The following ME2 variants were observed in gnomAD, a reference collection of about 807,000 sequenced individuals.
The protein encoded by ME2 is NAD-dependent malic enzyme, mitochondrial.
A neutral mutation model predicts 73.7 loss-of-function variants in ME2; 60 were observed. The ratio of observed to expected loss-of-function variants is 0.81; its 90% CI spans 0.66 to 1.01. The LOEUF is 1.01. Ranked by LOEUF, ME2 falls within the 50% of genes least tolerant of loss-of-function variation. The pLI is 0.00. For synonymous variants in ME2, 199 were observed against 236.9 expected, an observed-to-expected ratio of 0.84 and a Z score of 1.47; for missense variants, 594 against 705.5, an observed-to-expected ratio of 0.84 and a Z score of 1.79.
intron 12 of ME2, among the ~76,000 whole-genome samples, chr18:50,930,140 G>A (rs192087118): frequency 7.0e-4 from 107 of 152,050 alleles, no homozygotes; most frequent in African/African-American, 2.4e-3. Flanking sequence ...CACACCTGTG[G>A]TCTTAGCTAC....
At chr18:50,922,096 A>C (rs1429955741) in intron 10 of ME2, among the ~76,000 whole-genome samples, 1 of 152,236 alleles carries the variant, frequency 6.6e-6, no homozygotes, top group Non-Finnish European at 1.5e-5. Context: ...ACTTTGTTCC[A>C]GTTCTAAAAT....
Position 50,947,108 on chromosome 18 carries a change from G to A in ME2, c.1679G>A (p.Ser560Asn). The A allele has an allele frequency of 1.9e-6, 3 of 1,614,098 alleles. No homozygotes were observed. The highest frequency in any genetic ancestry group is 1.7e-5 in the Admixed American group (1 of 60,030). ...TATGTTAAAGAAAGAACATGGCGGA[G>A]TGAATATGATTCCCTGCTGCCAGAT... ...AKYVKERTWR[S>N]EYDSLLPDVY... is the part of the protein sequence containing the mutation. Residue 560 changes from serine (S) to asparagine (N), a missense_variant, in exon 16 of 16, where the codon AGT becomes AAT. By Grantham distance (46) the Ser-to-Asn change is conservative. Coordinates refer to ENST00000321341, the MANE Select transcript of ME2 (RefSeq NM_002396.5).
chr18:50,905,592 C>T (rs1474787018), intron 2 of ME2, among the ~76,000 whole-genome samples: 9 of 152,172 alleles, frequency 5.9e-5, no homozygotes, highest in African/African-American at 9.7e-5. Context: ...ACACATGAGA[C>T]ATCAAATACA....
intron 14 of ME2, chr18:50,940,013 A>T (rs576223328): frequency 2.2e-6 from 1 of 451,830 alleles, no homozygotes; most frequent in Admixed American, 4.0e-5. Context: ...CATTAATACA[A>T]TTAATGTCTG....
chr18:50,899,605 C>G (rs1397388341), intron 2 of ME2, among the ~76,000 whole-genome samples: 1 of 152,090 alleles, frequency 6.6e-6, no homozygotes, highest in African/African-American at 2.4e-5. Flanking sequence ...GAGTGAGCCC[C>G]TGTCTCAAAA....
intron 1 of ME2, among the ~76,000 whole-genome samples, chr18:50,889,222 G>A (rs1792928990): frequency 6.6e-6 from 1 of 152,140 alleles, no homozygotes; most frequent in Non-Finnish European, 1.5e-5. Context: ...AGTCACCTGA[G>A]GTGACTTAGG....
At chr18:50,896,357 C>G (rs941378482) in intron 2 of ME2, among the ~76,000 whole-genome samples, 1 of 152,164 alleles carries the variant, frequency 6.6e-6, no homozygotes, top group Admixed American at 6.5e-5. Flanking sequence ...CCCACCTCCA[C>G]TTATCTTTTT....
At chr18:50,925,682 G>T in intron 11 of ME2, 74 bp from the exon 12 acceptor site, 1 of 1,260,658 alleles carries the variant, frequency 7.9e-7, no homozygotes, top group Non-Finnish European at 1.1e-6. Flanking sequence ...TAGGCCTATT[G>T]TAGAAATGCT....
chr18:50,939,844 C>T (rs930756910), intron 14 of ME2: 5 of 518,654 alleles, frequency 9.6e-6, no homozygotes, highest in South Asian at 4.9e-5. Context: ...TGAATCCTCT[C>T]GTTTTAATAA....
intron 12 of ME2, among the ~76,000 whole-genome samples, chr18:50,926,905 A>G (rs1917566337): frequency 6.6e-6 from 1 of 152,252 alleles, no homozygotes; most frequent in African/African-American, 2.4e-5. Context: ...CAATCTCTAA[A>G]TACTGCTTTC....
At chr18:50,946,849 TTCC>T (rs1235840138) in intron 15 of ME2, among the ~76,000 whole-genome samples, 165 bp from the exon 16 acceptor site, 2 of 152,210 alleles carry the variant, frequency 1.3e-5, no homozygotes, top group African/African-American at 4.8e-5. Flanking sequence ...CTTTTAAACT[TTCC>T]ATAGTTTCCA....
chr18:50,879,790 G>C (rs1183444630), intron 1 of ME2, among the ~76,000 whole-genome samples: 1 of 152,252 alleles, frequency 6.6e-6, no homozygotes, highest in Non-Finnish European at 1.5e-5. Context: ...AAGACTTGCT[G>C]CGGGCTGGAG....
At chr18:50,922,925 C>G (rs1339011914) in intron 10 of ME2, among the ~76,000 whole-genome samples, 1 of 152,202 alleles carries the variant, frequency 6.6e-6, no homozygotes, top group Non-Finnish European at 1.5e-5. Context: ...GATGGAAATA[C>G]ACTTTTTCAG....
chr18:50,916,353 T>C (rs1917284180), intron 5 of ME2, 110 bp downstream of exon 5: 2 of 796,952 alleles, frequency 2.5e-6, no homozygotes, highest in Non-Finnish European at 2.1e-6. Context: ...TTTGCACTTA[T>C]ATACATGCAG....
intron 1 of ME2, among the ~76,000 whole-genome samples, chr18:50,895,543 C>G (rs996874335): frequency 6.6e-6 from 1 of 152,188 alleles, no homozygotes; most frequent in Non-Finnish European, 1.5e-5. Flanking sequence ...GCATACCTTG[C>G]CACACTTGTG....
intron 2 of ME2, among the ~76,000 whole-genome samples, chr18:50,899,496 A>G (rs1003694971): frequency 2.0e-5 from 3 of 152,114 alleles, no homozygotes; most frequent in Non-Finnish European, 4.4e-5. Flanking sequence ...GCATGCCTAT[A>G]GTTTCAGCTA....
intron 13 of ME2, 73 bp from the exon 14 acceptor site, chr18:50,939,497 C>A: frequency 2.0e-6 from 2 of 1,015,974 alleles, no homozygotes; most frequent in Non-Finnish European, 3.1e-6. Flanking sequence ...CATTTATTTG[C>A]CTGAATATAG....
chr18:50,924,937 G>A (rs554301547), intron 11 of ME2, among the ~76,000 whole-genome samples: 49 of 151,548 alleles, frequency 3.2e-4, no homozygotes, highest in African/African-American at 1.1e-3. Context: ...CTGCCTCGGC[G>A]GGTGAGACTC....
At chr18:50,890,184 C>T (rs978476273) in intron 1 of ME2, among the ~76,000 whole-genome samples, 2 of 152,090 alleles carry the variant, frequency 1.3e-5, no homozygotes, top group Non-Finnish European at 2.9e-5. Flanking sequence ...GCAGCTTACT[C>T]AAAAGGCAAA....
Sources: allele counts gnomAD v4.1 joint callset (sites outside exome capture counted in the v4.1 genomes callset), GRCh38; gene constraint gnomAD v4.1.1; transcripts MANE v1.5; gene names NCBI Gene and HGNC (gene_info 2026-07-23, HGNC 2026-07-21).